MAP7: variants seen among roughly 807,000 people sequenced by gnomAD.
The protein encoded by MAP7 is microtubule associated protein 7.
Under a neutral mutation model 94.8 loss-of-function variants are expected in MAP7, and 52 were observed. That is an observed-to-expected ratio of 0.55 (90% CI 0.44 to 0.69). The LOEUF is 0.69. Ranked by LOEUF, MAP7 falls within the 30% of genes least tolerant of loss-of-function variation. The pLI, the probability that MAP7 is intolerant of heterozygous loss-of-function variation, is 0.00. For synonymous variants in MAP7, 350 were observed against 357.0 expected (o/e 0.98, Z 0.22); for missense variants, 940 against 964.6 (o/e 0.97, Z 0.34).
At chr6:136,521,406 G>C (rs1826369794) in intron 1 of MAP7, among the ~76,000 whole-genome samples, 1 of 152,182 alleles carries the variant, frequency 6.6e-6, no homozygotes, top group African/African-American at 2.4e-5. Flanking sequence ...GATCCACCTA[G>C]AGAGTTATGA....
chr6:136,490,463 A>G lies in MAP7; in HGVS notation c.67+59879T>C, dbSNP rs111913098. ...CTCATCACCTGTTTTTTGATTCAGT[A>G]CACTCTTAATGCCCTTTTCTCAATA... On this transcript the variant is annotated intron_variant, in intron 1 of 17. Transcript: ENST00000354570. Among the ~76,000 whole-genome samples, 1,076 of 151,178 alleles carry G rather than the reference A, an allele frequency of 7.1e-3. 17 individuals carry two copies. Among genetic ancestry groups the G allele is most frequent in the African/African-American group, 0.025 (1,003 of 40,766 alleles).
chr6:136,400,118 A>T (rs967099158), intron 3 of MAP7, among the ~76,000 whole-genome samples: 4 of 151,472 alleles, frequency 2.6e-5, no homozygotes, highest in Non-Finnish European at 5.9e-5. Context: ...TTTCTTTTTT[A>T]AAAAAAGGGG....
chr6:136,414,682 C>T (rs865943595), intron 2 of MAP7, among the ~76,000 whole-genome samples: 4 of 152,066 alleles, frequency 2.6e-5, no homozygotes, highest in African/African-American at 9.7e-5. Context: ...TGCTGTGTCA[C>T]CCAGGCTGGA....
At chr6:136,530,285 T>C (rs1270155424) in intron 1 of MAP7, among the ~76,000 whole-genome samples, 2 of 152,206 alleles carry the variant, frequency 1.3e-5, no homozygotes, top group Admixed American at 6.5e-5. Context: ...AAATTACAAG[T>C]TCCACGTATG....
chr6:136,412,100 C>T (rs940288596), intron 2 of MAP7, among the ~76,000 whole-genome samples: 1 of 152,138 alleles, frequency 6.6e-6, no homozygotes, highest in Non-Finnish European at 1.5e-5. Flanking sequence ...GTGAAGTGCT[C>T]GAGTCAAACA....
At chr6:136,438,014 T>C (rs570186616) in intron 1 of MAP7, among the ~76,000 whole-genome samples, 2 of 152,312 alleles carry the variant, frequency 1.3e-5, no homozygotes, top group African/African-American at 4.8e-5. Context: ...GAGAGTCTAC[T>C]CTCTCTAATA....
intron 1 of MAP7, among the ~76,000 whole-genome samples, chr6:136,427,471 A>C (rs540842499): frequency 6.6e-6 from 1 of 152,340 alleles, no homozygotes; most frequent in South Asian, 2.1e-4. Context: ...TGTCAATGTC[A>C]AAAATAGTGC....
chr6:136,535,781 T>C (rs1019506165), intron 1 of MAP7, among the ~76,000 whole-genome samples: 2 of 151,894 alleles, frequency 1.3e-5, no homozygotes, highest in African/African-American at 4.8e-5. Context: ...AGTTCTAGTG[T>C]ACATGTGCAC....
At chr6:136,514,398 A>G (rs1033394593) in intron 1 of MAP7, among the ~76,000 whole-genome samples, 3 of 152,062 alleles carry the variant, frequency 2.0e-5, no homozygotes, top group African/African-American at 7.2e-5. Context: ...CAGCCTGGCC[A>G]ACATGGCGAA....
chr6:136,500,629 T>C (rs1369593501), intron 1 of MAP7, among the ~76,000 whole-genome samples: 1 of 152,230 alleles, frequency 6.6e-6, no homozygotes, highest in Non-Finnish European at 1.5e-5. Context: ...AGTGTTGTAC[T>C]TGTGGTTACA....
intron 8 of MAP7, among the ~76,000 whole-genome samples, chr6:136,370,011 G>C (rs1210222508): frequency 1.3e-5 from 2 of 152,112 alleles, no homozygotes; most frequent in Non-Finnish European, 2.9e-5. Context: ...ATAGAAGAAA[G>C]TATCTGTAAG....
chr6:136,461,153 C>G (rs1805068681), intron 1 of MAP7, among the ~76,000 whole-genome samples: 1 of 152,124 alleles, frequency 6.6e-6, no homozygotes, highest in Non-Finnish European at 1.5e-5. Flanking sequence ...AAACTCCAAA[C>G]TCCATGTTTT....
intron 1 of MAP7, among the ~76,000 whole-genome samples, chr6:136,518,608 T>C (rs1825541823): frequency 6.6e-6 from 1 of 152,178 alleles, no homozygotes; most frequent in African/African-American, 2.4e-5. Context: ...AATGTCTAGA[T>C]GATCTGAGAA....
chr6:136,547,178 C>T (rs1472824675), intron 1 of MAP7, among the ~76,000 whole-genome samples: 1 of 152,188 alleles, frequency 6.6e-6, no homozygotes, highest in Non-Finnish European at 1.5e-5. Flanking sequence ...AAAGGATGGT[C>T]ACGAAAGAGG....
At chr6:136,533,850 C>T (rs201393488) in intron 1 of MAP7, among the ~76,000 whole-genome samples, 2 of 152,184 alleles carry the variant, frequency 1.3e-5, no homozygotes, top group East Asian at 3.9e-4. Flanking sequence ...AGACATATCC[C>T]ACTAGGTCTG....
intron 2 of MAP7, among the ~76,000 whole-genome samples, chr6:136,414,064 A>C (rs1186435588): frequency 6.6e-6 from 1 of 151,522 alleles, no homozygotes; most frequent in African/African-American, 2.4e-5. Context: ...CCTGGCTAAC[A>C]AGGTGAAACC....
chr6:136,380,132 AAATTGAGATATTGAC>A (rs1162351025), intron 6 of MAP7, among the ~76,000 whole-genome samples: 2 of 152,230 alleles, frequency 1.3e-5, no homozygotes, highest in Non-Finnish European at 2.9e-5. Context: ...TAAGCACTTA[AAATTGAGATATTGAC>A]AATTTCCATT....
chr6:136,515,828 G>T (rs1824642123), intron 1 of MAP7, among the ~76,000 whole-genome samples: 1 of 152,208 alleles, frequency 6.6e-6, no homozygotes, highest in Admixed American at 6.5e-5. Flanking sequence ...TTACCAATAT[G>T]TGATGCAGAG....
In MAP7 at chr6:136,449,672, T is replaced by C. The variant is rs4548023; in HGVS notation, c.68-27873A>G. Among the ~76,000 whole-genome samples, 199 of 152,328 alleles carry C rather than the reference T, an allele frequency of 1.3e-3. 1 individual carries two copies. Among genetic ancestry groups the C allele is most frequent in the African/African-American group, 3.6e-3 (149 of 41,576 alleles). On this transcript the variant is annotated intron_variant, in intron 1 of 17. Transcript: ENST00000354570. ...AGTTCACTATGTACCAGGAGACCTT[T>C]AGGAAAAACTAAAAATATGTAAGGA...
Sources: allele counts gnomAD v4.1 joint callset (sites outside exome capture counted in the v4.1 genomes callset), GRCh38; gene constraint gnomAD v4.1.1; transcripts MANE v1.5; gene names NCBI Gene and HGNC (gene_info 2026-07-23, HGNC 2026-07-21).